The following TARS3 variants were observed in gnomAD, a reference collection of about 807,000 sequenced individuals.
TARS3 encodes threonyl-tRNA synthetase 3, also known as threonine--tRNA ligase 2, cytoplasmic.
TARS3 carries 94 observed loss-of-function variants against 103.5 expected under a neutral mutation model. The observed-to-expected ratio is 0.91, with a 90% CI of 0.77 to 1.08. The LOEUF is 1.08. TARS3 is among the 50% of genes least tolerant of loss of function. The pLI is 0.00. For missense variants in TARS3, 952 were observed against 995.2 expected, an observed-to-expected ratio of 0.96 and a Z score of 0.58; for synonymous variants, 416 against 355.4, an observed-to-expected ratio of 1.17 and a Z score of -1.92.
rs562787731 is a variant in TARS3, at chr15:101,705,391, G to A, written c.995+292C>T. ...CCCCCACTGCCACATTAATAAGAAC[G>A]TGGAAGGACAGAATAGAAACTCCTT... On this transcript the variant is annotated intron_variant, in intron 7 of 18. Transcript: ENST00000335968. Among the ~76,000 whole-genome samples, 3 of 152,288 alleles carry A rather than the reference G, an allele frequency of 2.0e-5. No homozygotes were observed. In the East Asian group the frequency reaches 5.8e-4, roughly 29 times the overall value.
intron 18 of TARS3, chr15:101,656,134 C>G (rs1257474994): frequency 8.5e-6 from 9 of 1,062,472 alleles, no homozygotes; most frequent in Non-Finnish European, 1.1e-5. Flanking sequence ...CCTGATTGCT[C>G]TTCTAGTGGT....
Position 101,659,570 on chromosome 15 carries a change from A to G in TARS3, c.2073-1713T>C, listed in dbSNP as rs7164361. 7.9e-3 allele frequency among the ~76,000 whole-genome samples: 1,204 copies of G among 152,310 alleles called. 13 individuals are homozygous for G. The highest frequency in any genetic ancestry group is 0.027 in the African/African-American group (1,128 of 41,564). The stretch of plus-strand genomic sequence containing the variant: ...CTCTGCGACAAAGGAAGGCATGCTC[A>G]GTGCACTGGCCCCAACCACCTCCTG... On this transcript the variant is annotated intron_variant, in intron 16 of 18. Transcript: ENST00000335968.
chr15:101,714,149 TTAAG>T (rs1409290556), intron 4 of TARS3, among the ~76,000 whole-genome samples: 5 of 152,196 alleles, frequency 3.3e-5, no homozygotes, highest in Admixed American at 2.0e-4. Flanking sequence ...GAAAATTATA[TTAAG>T]TATTTAAAGG....
chr15:101,684,121 C>T lies in TARS3; in HGVS notation c.1604G>A (p.Arg535Lys), dbSNP rs1302366744. The change falls in exon 12 of 19, where the codon AGG becomes AAG. Residue 535 changes from arginine (R) to lysine (K), a missense_variant. Around this residue, in one of 2 missense-constraint regions of TARS3, gnomAD observed 540 missense variants for 631.0 expected, o/e 0.86. Transcript: ENST00000335968. Reference protein sequence around the residue: ...SGTLSGLTRVRRFQQDDAHIF... With the variant: ...SGTLSGLTRVKRFQQDDAHIF... Reference sequence around the variant, plus strand: ...GTGAGCATCGTCCTGCTGGAAGCGCCTCACTCTGGTCAAGCCGCTGAGAGT... The same window carrying T: ...GTGAGCATCGTCCTGCTGGAAGCGCTTCACTCTGGTCAAGCCGCTGAGAGT... 1 of 1,613,758 alleles carries T rather than the reference C, an allele frequency of 6.2e-7. No individual in the cohort carries two copies. Among genetic ancestry groups the T allele is most frequent in the Non-Finnish European group, 8.5e-7 (1 of 1,179,894 alleles).
intron 11 of TARS3, among the ~76,000 whole-genome samples, chr15:101,685,328 G>A (rs1051898038): frequency 3.3e-5 from 5 of 152,080 alleles, no homozygotes; most frequent in Admixed American, 6.6e-5. Context: ...GTCTTTCATA[G>A]AATCAAAGAC....
chr15:101,723,058 T>A (rs1244492943), intron 2 of TARS3, 35 bp downstream of exon 2: 1 of 1,558,010 alleles, frequency 6.4e-7, no homozygotes, highest in African/African-American at 1.4e-5. Flanking sequence ...AAATTACAGG[T>A]AGTATTTTAT....
At chr15:101,657,350 C>G (rs72761636) in intron 17 of TARS3, among the ~76,000 whole-genome samples, 1 of 152,214 alleles carries the variant, frequency 6.6e-6, no homozygotes, top group Admixed American at 6.5e-5. Context: ...GAGCGAGCCC[C>G]GAGCTCCGCA....
intron 4 of TARS3, among the ~76,000 whole-genome samples, chr15:101,712,218 G>C (rs963097110): frequency 1.3e-5 from 2 of 152,200 alleles, no homozygotes; most frequent in Non-Finnish European, 2.9e-5. Flanking sequence ...CTCAGTGCCA[G>C]TGTGAAGCTG....
intron 15 of TARS3, 106 bp from the exon 16 acceptor site, chr15:101,661,922 C>A: frequency 3.3e-6 from 2 of 609,700 alleles, no homozygotes; most frequent in South Asian, 3.5e-5. Flanking sequence ...GATATCAGAT[C>A]TCTCCATTAA....
chr15:101,659,003 A>G (rs981795195), intron 16 of TARS3, among the ~76,000 whole-genome samples: 2 of 152,030 alleles, frequency 1.3e-5, no homozygotes, highest in Non-Finnish European at 2.9e-5. Flanking sequence ...TGTTGGCCAG[A>G]CTGGTCTTGA....
intron 4 of TARS3, 91 bp downstream of exon 4, chr15:101,714,749 A>C: frequency 8.1e-7 from 1 of 1,240,220 alleles, no homozygotes. Flanking sequence ...CAAAAAACTC[A>C]ACATTCGTGA....
chr15:101,691,804 C>T lies in TARS3; in HGVS notation c.1321-5742G>A, dbSNP rs540499985. 8.0e-4 allele frequency among the ~76,000 whole-genome samples: 122 copies of T among 151,984 alleles called. 1 individual carries two copies. Among genetic ancestry groups the T allele is most frequent in the African/African-American group, 2.7e-3 (111 of 41,442 alleles). Reference sequence around the variant, plus strand: ...TTGATCCTAGATATCTATTTTGTATCCTTTGATCTATATCCCCCCATTTCT... The same window carrying T: ...TTGATCCTAGATATCTATTTTGTATTCTTTGATCTATATCCCCCCATTTCT... On this transcript the variant is annotated intron_variant, in intron 10 of 18. Transcript: ENST00000335968.
chr15:101,703,568 C>A (rs757628806), intron 8 of TARS3, among the ~76,000 whole-genome samples: 2 of 151,734 alleles, frequency 1.3e-5, no homozygotes, highest in Non-Finnish European at 2.9e-5. Context: ...CCAGCCTGGA[C>A]AACAGAGCAA....
chr15:101,687,457 A>T (rs1898524586), intron 10 of TARS3, among the ~76,000 whole-genome samples: 1 of 152,116 alleles, frequency 6.6e-6, no homozygotes, highest in African/African-American at 2.4e-5. Flanking sequence ...GGCAGTGATT[A>T]TTGGCTATTT....
intron 12 of TARS3, among the ~76,000 whole-genome samples, chr15:101,678,884 G>A (rs1036677893): frequency 1.3e-5 from 2 of 152,058 alleles, no homozygotes; most frequent in African/African-American, 4.8e-5. Flanking sequence ...AATTGCTGAA[G>A]GGTATTTTCT....
chr15:101,666,813 T>C (rs1450594850), intron 15 of TARS3, among the ~76,000 whole-genome samples: 1 of 152,144 alleles, frequency 6.6e-6, no homozygotes. Context: ...TCAACAGAAA[T>C]GGTAAATATT....
rs1143138 is a variant in TARS3, at chr15:101,724,101, G to A, written c.287C>T (p.Ala96Val). The A allele has an allele frequency of 7.3e-7, 1 of 1,363,356 alleles. No homozygotes were observed. Among genetic ancestry groups the A allele is most frequent in the South Asian group, 1.7e-5 (1 of 58,680 alleles). The allele number at this position is 1,363,356 out of a possible 1,614,324, so 84.5% of individuals were successfully genotyped here. ...CCACCGCCCGGTTACCTGTGCGCCG[G>A]CCTCCTGCGCCGCCTCTAGCTCCGC... ...ESAELEAAQE[A>V]GAQPPPSQSQ... Residue 96 changes from alanine to valine, a missense_variant, in exon 1 of 19, where the codon GCC (alanine) becomes GTC (valine). Physicochemically the swap from Ala to Val is moderately conservative, Grantham distance 64. This residue lies in a region of TARS3 where 412 missense variants were observed against 364.2 expected (regional missense o/e 1.13). Coordinates refer to ENST00000335968, the MANE Select transcript of TARS3 (RefSeq NM_152334.3).
At chr15:101,723,203 G>A in intron 1 of TARS3, 39 bp from the exon 2 acceptor site, 1 of 1,567,968 alleles carries the variant, frequency 6.4e-7, no homozygotes, top group Non-Finnish European at 8.8e-7. Flanking sequence ...TCAATGGCAA[G>A]AAAAAGCAAC....
intron 13 of TARS3, among the ~76,000 whole-genome samples, chr15:101,673,267 A>C (rs1027910435): frequency 2.0e-5 from 3 of 152,134 alleles, no homozygotes; most frequent in Non-Finnish European, 2.9e-5. Context: ...AAATGCTGGG[A>C]CTTCCAGCCT....
Sources: gnomAD v4.1 joint callset for allele counts (sites outside exome capture counted in the v4.1 genomes callset) on GRCh38, gnomAD v4.1.1 for gene constraint, gnomAD v4.1.1 regional missense constraint, MANE v1.5 for transcripts, NCBI Gene and HGNC (gene_info 2026-07-23, HGNC 2026-07-21) for gene names.